Variants in FAM72A observed in about 807,000 individuals in gnomAD.
FAM72A encodes the protein regulator of UNG2 and MKLN1 interacting yippee protein 1.
FAM72A carries 1 observed loss-of-function variant against 11.3 expected under a neutral mutation model. The observed-to-expected ratio is 0.09, with a 90% CI of 0.03 to 0.42. FAM72A has a LOEUF of 0.42. Among genes scored for constraint, FAM72A ranks in the 10% least tolerant of loss-of-function variants. The probability of loss-of-function intolerance (pLI) is 0.98; values close to 1 mark genes in which losing one functional copy is unlikely to be tolerated. For missense variants in FAM72A, 15 were observed against 135.5 expected (o/e 0.11, Z 4.41); for synonymous variants, 5 against 46.9 (o/e 0.11, Z 3.65).
intron 3 of FAM72A, among the ~76,000 whole-genome samples, chr1:206,189,454 ACCCCAC>A (rs1176146266): frequency 7.3e-6 from 1 of 136,496 alleles, no homozygotes; most frequent in Non-Finnish European, 1.6e-5. Context: ...AGAAAACGCT[ACCCCAC>A]CCCCACCCCC....
At chr1:206,205,688 C>T, upstream of FAM72A, 2 of 457,946 alleles carry the variant, frequency 4.4e-6, no homozygotes, top group South Asian at 2.1e-5. Context: ...CCAGGCCAGC[C>T]TCCGGGCGCT....
chr1:206,196,703 G>A (rs1665075049), intron 2 of FAM72A, among the ~76,000 whole-genome samples: 1 of 138,904 alleles, frequency 7.2e-6, no homozygotes, highest in Non-Finnish European at 1.5e-5. Flanking sequence ...CAGAAATAAA[G>A]CAATCTACAG....
In FAM72A at chr1:206,195,894, T is replaced by C. The variant is rs202164339; in HGVS notation, c.231-18A>G. Reference sequence around the variant, plus strand: ...TGTTCCCACTAGAAAAGAAAGTAAATGTTACTAGATACCATGTAATAACTA... The same window carrying C: ...TGTTCCCACTAGAAAAGAAAGTAAACGTTACTAGATACCATGTAATAACTA... On this transcript the variant is annotated intron_variant, in intron 2 of 3. Transcript: ENST00000367128. The C allele has an allele frequency of 0.039, 62,858 of 1,600,418 alleles. 1,321 individuals carry two copies. Among genetic ancestry groups the C allele is most frequent in the African/African-American group, 0.042 (3,052 of 72,802 alleles).
chr1:206,189,488 T>G (rs1553297298), intron 3 of FAM72A, among the ~76,000 whole-genome samples: 2 of 125,376 alleles, frequency 1.6e-5, no homozygotes, highest in East Asian at 4.5e-4. Flanking sequence ...GAATGAATGG[T>G]GTTCTGCTCC....
chr1:206,190,804 G>A (rs554737985), intron 3 of FAM72A, among the ~76,000 whole-genome samples: 43 of 151,284 alleles, frequency 2.8e-4, no homozygotes, highest in Non-Finnish European at 4.7e-4. Context: ...CTGGGAGGTC[G>A]AGGCTGCAGT....
chr1:206,205,017 C>G (rs1665778217), upstream of FAM72A: 1 of 152,000 alleles, frequency 6.6e-6, no homozygotes, highest in East Asian at 1.9e-4. Context: ...TGGCTTATCC[C>G]TCCCCGGCTT....
At chr1:206,191,721 ATTATTTT>A (rs1404653289) in intron 3 of FAM72A, among the ~76,000 whole-genome samples, 9 of 98,798 alleles carry the variant, frequency 9.1e-5, no homozygotes, top group African/African-American at 3.9e-4. Flanking sequence ...TTACTAAAAT[ATTATTTT>A]TTTTTTTTTT....
intron 3 of FAM72A, among the ~76,000 whole-genome samples, chr1:206,194,284 A>G (rs1664948041): frequency 6.6e-6 from 1 of 152,262 alleles, no homozygotes; most frequent in Non-Finnish European, 1.5e-5. Context: ...ACTTTAATGG[A>G]TGAAGAGTTG....
intron 1 of FAM72A, 25 bp from the exon 2 acceptor site, chr1:206,199,909 ACAGT>A (rs1208684514): frequency 6.3e-6 from 4 of 637,222 alleles, no homozygotes; most frequent in Non-Finnish European, 1.1e-5. Flanking sequence ...GTATAAAAAG[ACAGT>A]CAGATGTACT....
chr1:206,196,624 G>A (rs1216391498), intron 2 of FAM72A, among the ~76,000 whole-genome samples: 1 of 114,144 alleles, frequency 8.8e-6, no homozygotes, highest in Non-Finnish European at 1.7e-5. Context: ...TAGGAAGACA[G>A]CATGAGTCCC....
At chr1:206,204,900 C>G (rs1449542928), upstream of FAM72A, 1 of 120,406 alleles carries the variant, frequency 8.3e-6, no homozygotes, top group Admixed American at 7.7e-5. Context: ...CTTTTTCCTG[C>G]AGATTTGCCC....
rs1340747390 is a variant in FAM72A, at chr1:206,192,917, C to CT, written c.355+2834dup. Among the ~76,000 whole-genome samples, 159 of 145,010 alleles carry CT rather than the reference C, an allele frequency of 1.1e-3. 1 individual carries two copies. The highest frequency in any genetic ancestry group is 1.4e-3 in the Non-Finnish European group (94 of 65,602). On this transcript the variant is annotated intron_variant, in intron 3 of 3. Coordinates refer to ENST00000367128, the MANE Select transcript of FAM72A (RefSeq NM_001123168.3). ...ACAGATTTTTCTTTTCTTTTCTTTTCTTTTTTTTTTTTTGAGATGGAGTTT... is the reference window on the plus strand; with the variant it reads ...ACAGATTTTTCTTTTCTTTTCTTTTCTTTTTTTTTTTTTTGAGATGGAGTTT...
At chr1:206,187,737 T>C (rs1454107307) in intron 3 of FAM72A, among the ~76,000 whole-genome samples, 2 of 151,404 alleles carry the variant, frequency 1.3e-5, no homozygotes, top group Non-Finnish European at 2.9e-5. Context: ...GCTAATTTTA[T>C]TTTGTAGATA....
intron 3 of FAM72A, among the ~76,000 whole-genome samples, chr1:206,189,516 G>T (rs1218164441): frequency 1.5e-5 from 2 of 134,266 alleles, no homozygotes; most frequent in Non-Finnish European, 3.0e-5. Flanking sequence ...TGTCATGGAA[G>T]AGCTGACAGG....
upstream of FAM72A, chr1:206,204,123 C>CT (rs1207867023): frequency 1.9e-6 from 1 of 527,326 alleles, no homozygotes; most frequent in African/African-American, 2.4e-5. Context: ...GTCCCACCCC[C>CT]CGGCCCGCCC....
upstream of FAM72A, chr1:206,204,910 C>G (rs1449075428): frequency 2.2e-5 from 3 of 134,880 alleles, no homozygotes; most frequent in Admixed American, 7.0e-5. Flanking sequence ...CAGATTTGCC[C>G]CCCCCCCCAT....
chr1:206,203,877 G>A (rs200836881), upstream of FAM72A: 18,536 of 1,441,026 alleles, frequency 0.013, 145 homozygotes, highest in Middle Eastern at 0.026. Flanking sequence ...GCCCATCACT[G>A]TACAGCCTGG....
chr1:206,205,179 C>A (rs1665802152), upstream of FAM72A: 2 of 152,194 alleles, frequency 1.3e-5, no homozygotes, highest in Admixed American at 1.3e-4. Context: ...CCTGGTGCCC[C>A]GCGTTCCTGC....
At chr1:206,198,907 T>TAAAAAAA (rs544163968) in intron 2 of FAM72A, among the ~76,000 whole-genome samples, 57 of 63,620 alleles carry the variant, frequency 9.0e-4, no homozygotes, top group African/African-American at 3.1e-3. Context: ...CTGTCTCTAC[T>TAAAAAAA]AAAAAAAAAA....
Sources: gnomAD v4.1 joint callset for allele counts (sites outside exome capture counted in the v4.1 genomes callset) on GRCh38, gnomAD v4.1.1 for gene constraint, MANE v1.5 for transcripts, NCBI Gene and HGNC (gene_info 2026-07-23, HGNC 2026-07-21) for gene names.